KCNQ5: variants seen among roughly 807,000 people sequenced by gnomAD.
The protein encoded by KCNQ5 is potassium voltage-gated channel subfamily KQT member 5.
A neutral mutation model predicts 98.2 loss-of-function variants in KCNQ5; 30 were observed. That is an observed-to-expected ratio of 0.31 (90% confidence interval 0.23 to 0.41). KCNQ5 has a LOEUF of 0.41. KCNQ5 is among the 10% of genes least tolerant of loss of function. The pLI, the probability that KCNQ5 is intolerant of heterozygous loss-of-function variation, is 1.00. For synonymous variants in KCNQ5, 458 were observed against 449.4 expected, an observed-to-expected ratio of 1.02 and a Z score of -0.24; for missense variants, 835 against 1,182.5, an observed-to-expected ratio of 0.71 and a Z score of 4.31.
chr6:73,185,148 T>C (rs183509970), intron 11 of KCNQ5, among the ~76,000 whole-genome samples: 1 of 152,310 alleles, frequency 6.6e-6, no homozygotes, highest in Non-Finnish European at 1.5e-5. Flanking sequence ...AGTGATTAAC[T>C]GTTTTGTTGG....
intron 10 of KCNQ5, among the ~76,000 whole-genome samples, chr6:73,154,770 C>T (rs1290801734): frequency 1.3e-5 from 2 of 152,216 alleles, no homozygotes; most frequent in Admixed American, 6.5e-5. Flanking sequence ...TAAATATTTT[C>T]ATGGGCTAAT....
chr6:72,996,887 G>A (rs942111917), intron 1 of KCNQ5, among the ~76,000 whole-genome samples: 7 of 152,172 alleles, frequency 4.6e-5, no homozygotes, highest in East Asian at 1.9e-4. Context: ...AACTGGGCTC[G>A]GTATATTGAA....
intron 1 of KCNQ5, among the ~76,000 whole-genome samples, chr6:72,941,462 T>TC (rs1220581198): frequency 2.6e-5 from 2 of 77,510 alleles, no homozygotes; most frequent in East Asian, 4.3e-4. Context: ...CTTCCTTCCT[T>TC]CTTCCTTCCC....
chr6:73,107,245 G>A (rs1284471076), intron 6 of KCNQ5, among the ~76,000 whole-genome samples: 1 of 152,224 alleles, frequency 6.6e-6, no homozygotes, highest in Non-Finnish European at 1.5e-5. Context: ...TGTTGAAATA[G>A]ACAACAGGCT....
intron 9 of KCNQ5, among the ~76,000 whole-genome samples, chr6:73,125,914 A>T (rs1235171259): frequency 6.6e-6 from 1 of 152,130 alleles, no homozygotes; most frequent in Admixed American, 6.6e-5. Context: ...CACCTAAGAA[A>T]CGTTTTTGAC....
chr6:73,158,254 ATT>A (rs796118861), intron 10 of KCNQ5: 61 of 22,706 alleles, frequency 2.7e-3, no homozygotes, highest in Middle Eastern at 0.031. Flanking sequence ...ATTTTGGAAG[ATT>A]TTTTTTTTTT....
chr6:72,649,075 T>C, intron 1 of KCNQ5, among the ~76,000 whole-genome samples: 1 of 152,148 alleles, frequency 6.6e-6, no homozygotes, highest in East Asian at 1.9e-4. Context: ...GCACGAAGCC[T>C]GGAGATGGCT....
chr6:73,142,296 G>C (rs1024153970), intron 10 of KCNQ5, among the ~76,000 whole-genome samples: 1 of 152,204 alleles, frequency 6.6e-6, no homozygotes, highest in African/African-American at 2.4e-5. Flanking sequence ...GACCATGTTA[G>C]AGTCAGGCTA....
intron 3 of KCNQ5, among the ~76,000 whole-genome samples, chr6:73,072,494 G>A (rs1425974647): frequency 6.6e-6 from 1 of 152,178 alleles, no homozygotes; most frequent in East Asian, 1.9e-4. Context: ...GGAAGCTTTG[G>A]ATGTAAATAA....
intron 9 of KCNQ5, among the ~76,000 whole-genome samples, chr6:73,127,749 A>G (rs565360275): frequency 5.3e-5 from 8 of 152,228 alleles, no homozygotes; most frequent in African/African-American, 1.9e-4. Flanking sequence ...ATTATTTATG[A>G]CAGATCCAAA....
At chr6:72,864,171 C>T (rs1777880423) in intron 1 of KCNQ5, among the ~76,000 whole-genome samples, 1 of 152,146 alleles carries the variant, frequency 6.6e-6, no homozygotes, top group African/African-American at 2.4e-5. Context: ...ATGCCCTTTC[C>T]CTTGTACTCT....
intron 1 of KCNQ5, among the ~76,000 whole-genome samples, chr6:72,831,757 G>GAA (rs76358980): frequency 4.0e-5 from 6 of 150,238 alleles, no homozygotes; most frequent in African/African-American, 1.2e-4. Flanking sequence ...AAAATTAACA[G>GAA]AAAAAAAAAG....
intron 1 of KCNQ5, among the ~76,000 whole-genome samples, chr6:72,891,567 T>C (rs1245050506): frequency 6.6e-6 from 1 of 152,184 alleles, no homozygotes; most frequent in African/African-American, 2.4e-5. Context: ...TAAAATTGCC[T>C]GCTCCATATG....
chr6:73,023,479 GA>G (rs1031597802), intron 2 of KCNQ5, among the ~76,000 whole-genome samples: 2 of 151,640 alleles, frequency 1.3e-5, no homozygotes, highest in African/African-American at 2.4e-5. Context: ...GGTGGAGAGT[GA>G]AAAAAAATGG....
chr6:73,003,873 G>A, intron 1 of KCNQ5, 35 bp from the exon 2 acceptor site: 7 of 1,357,536 alleles, frequency 5.2e-6, no homozygotes, highest in Non-Finnish European at 7.4e-6. Flanking sequence ...ATAAGGTAAG[G>A]TTCTTATCAG....
intron 1 of KCNQ5, among the ~76,000 whole-genome samples, chr6:72,738,480 A>G (rs1770965388): frequency 6.6e-6 from 1 of 152,138 alleles, no homozygotes; most frequent in African/African-American, 2.4e-5. Context: ...TATATCTAAA[A>G]CAGTATGCGA....
At chr6:73,077,231 T>A in intron 3 of KCNQ5, 91 bp from the exon 4 acceptor site, 2 of 1,275,392 alleles carry the variant, frequency 1.6e-6, no homozygotes, top group Non-Finnish European at 2.2e-6. Context: ...GTACCTTAAA[T>A]AGGTCAAAGT....
chr6:73,013,296 T>C (rs1770166207), intron 2 of KCNQ5, among the ~76,000 whole-genome samples: 1 of 152,138 alleles, frequency 6.6e-6, no homozygotes, highest in East Asian at 1.9e-4. Context: ...CTGATGACAG[T>C]GCTTGTGGCT....
At chr6:72,801,411 G>A (rs1411647322) in intron 1 of KCNQ5, among the ~76,000 whole-genome samples, 3 of 130,402 alleles carry the variant, frequency 2.3e-5, no homozygotes, top group Non-Finnish European at 4.8e-5. Flanking sequence ...GATCTTTGTT[G>A]GTTTAAAGTC....
Sources: gnomAD v4.1 joint callset for allele counts (sites outside exome capture counted in the v4.1 genomes callset) on GRCh38, gnomAD v4.1.1 for gene constraint, MANE v1.5 for transcripts, NCBI Gene and HGNC (gene_info 2026-07-23, HGNC 2026-07-21) for gene names.